ANKS1B: variants seen among roughly 807,000 people sequenced by gnomAD.
The protein encoded by ANKS1B is ankyrin repeat and sterile alpha motif domain-containing protein 1B.
In ANKS1B, 36 loss-of-function variants were observed where a neutral mutation model predicts 148.3. That is an observed-to-expected ratio of 0.24 (90% CI 0.19 to 0.32). The LOEUF is 0.32. Ranked by LOEUF, ANKS1B falls within the 10% of genes least tolerant of loss-of-function variation. ANKS1B has a pLI of 1.00. For synonymous variants in ANKS1B, 542 were observed against 560.8 expected (o/e 0.97, Z 0.47); for missense variants, 1,157 against 1,542.6 (o/e 0.75, Z 4.19).
intron 16 of ANKS1B, among the ~76,000 whole-genome samples, chr12:99,066,566 G>A (rs2044405136): frequency 6.6e-6 from 1 of 152,120 alleles, no homozygotes; most frequent in African/African-American, 2.4e-5. Context: ...AGGGAAATGG[G>A]GAGTCAGGGT....
At chr12:99,598,434 T>C (rs2097774820) in intron 9 of ANKS1B, among the ~76,000 whole-genome samples, 1 of 152,110 alleles carries the variant, frequency 6.6e-6, no homozygotes, top group Admixed American at 6.6e-5. Context: ...AACTACAAGA[T>C]AGATACCGTT....
At chr12:99,205,067 A>C (rs572295507) in intron 14 of ANKS1B, among the ~76,000 whole-genome samples, 54 of 152,110 alleles carry the variant, frequency 3.6e-4, no homozygotes, top group African/African-American at 1.3e-3. Context: ...GGCCCCCCCC[A>C]AAAAGAAAAA....
chr12:99,859,442 G>A (rs1178324921), intron 1 of ANKS1B, among the ~76,000 whole-genome samples: 1 of 152,166 alleles, frequency 6.6e-6, no homozygotes, highest in Non-Finnish European at 1.5e-5. Flanking sequence ...GGTACTGTTA[G>A]CTTTGCTAGG....
intron 1 of ANKS1B, among the ~76,000 whole-genome samples, chr12:99,861,863 TC>T (rs551913662): frequency 6.6e-6 from 1 of 152,202 alleles, no homozygotes; most frequent in South Asian, 2.1e-4. Context: ...AAGTGAATGT[TC>T]TTTTCAAAAT....
At chr12:99,515,742 T>G (rs1353579503) in intron 9 of ANKS1B, among the ~76,000 whole-genome samples, 1 of 152,098 alleles carries the variant, frequency 6.6e-6, no homozygotes. Context: ...TTTAGTTTTT[T>G]GAGGAACCTC....
At position 99,113,183 on chromosome 12, in the gene ANKS1B, T is replaced by C. The variant is rs115763566; in HGVS notation, c.2527-28160A>G. 1.8e-3 allele frequency among the ~76,000 whole-genome samples: 278 copies of C among 152,322 alleles called. 1 individual carries two copies. The highest frequency in any genetic ancestry group is 6.1e-3 in the African/African-American group (253 of 41,570). On this transcript the variant is annotated intron_variant, in intron 15 of 26. Coordinates refer to ENST00000683438, the MANE Select transcript of ANKS1B (RefSeq NM_001352186.2). ...TACTAATTCTGCATCTTCGTTTTTTTTCTTGGGCATAAAATCAGCATTTCC... is the reference window on the plus strand; with the variant it reads ...TACTAATTCTGCATCTTCGTTTTTTCTCTTGGGCATAAAATCAGCATTTCC...
At chr12:99,725,250 T>C (rs2058501650) in intron 8 of ANKS1B, among the ~76,000 whole-genome samples, 1 of 152,162 alleles carries the variant, frequency 6.6e-6, no homozygotes, top group African/African-American at 2.4e-5. Context: ...GTGTGCTGTA[T>C]TTAGGAGACC....
chr12:99,669,773 T>C (rs961784333), intron 8 of ANKS1B, among the ~76,000 whole-genome samples: 2 of 152,206 alleles, frequency 1.3e-5, no homozygotes, highest in African/African-American at 4.8e-5. Flanking sequence ...CCCTCTTTTC[T>C]GTTCCTCTGC....
At chr12:99,956,549 A>T (rs895641857) in intron 1 of ANKS1B, among the ~76,000 whole-genome samples, 1 of 152,210 alleles carries the variant, frequency 6.6e-6, no homozygotes, top group Non-Finnish European at 1.5e-5. Context: ...CCATGCTGAA[A>T]AATCTTTGCT....
chr12:99,760,842 C>T (rs1317630833), intron 8 of ANKS1B, among the ~76,000 whole-genome samples: 1 of 150,876 alleles, frequency 6.6e-6, no homozygotes, highest in Non-Finnish European at 1.5e-5. Context: ...TAAGCACAAT[C>T]AGAAATGGCA....
At chr12:99,165,019 A>G (rs186167114) in intron 14 of ANKS1B, among the ~76,000 whole-genome samples, 1 of 152,110 alleles carries the variant, frequency 6.6e-6, no homozygotes, top group Admixed American at 6.5e-5. Flanking sequence ...TATTCAGAAA[A>G]TATTTTAAAC....
At position 99,078,153 on chromosome 12, in the gene ANKS1B, A is replaced by G. The variant is rs148414488; in HGVS notation, c.2625+6772T>C. ...TGCCCACACCATTTTGAGGGGGCCA[A>G]CTGTTGCTTTGATCTATTTTCTTCG... On this transcript the variant is annotated intron_variant, in intron 16 of 26. Transcript: ENST00000683438. Among the ~76,000 whole-genome samples the G allele has an allele frequency of 4.3e-3, 654 of 152,266 alleles. 3 individuals carry two copies. Among genetic ancestry groups the G allele is most frequent in the Non-Finnish European group, 4.5e-3 (308 of 68,014 alleles).
At chr12:99,731,327 C>T (rs2059126613) in intron 8 of ANKS1B, among the ~76,000 whole-genome samples, 1 of 151,916 alleles carries the variant, frequency 6.6e-6, no homozygotes, top group African/African-American at 2.4e-5. Flanking sequence ...CCACGTTGGC[C>T]AGGCTTGTCT....
At chr12:99,105,768 C>CAAAAAAAAAAA (rs11349848) in intron 15 of ANKS1B, among the ~76,000 whole-genome samples, 1 of 82,930 alleles carries the variant, frequency 1.2e-5, no homozygotes, top group Non-Finnish European at 2.4e-5. Context: ...GACTCTGTCT[C>CAAAAAAAAAAA]AAAAAAAAAA....
intron 12 of ANKS1B, among the ~76,000 whole-genome samples, chr12:99,331,009 A>C (rs1186549460): frequency 1.3e-5 from 2 of 151,988 alleles, no homozygotes; most frequent in Non-Finnish European, 2.9e-5. Context: ...GGTTATTTAA[A>C]CAATGCATTG....
At chr12:99,534,496 G>A (rs1271619870) in intron 9 of ANKS1B, among the ~76,000 whole-genome samples, 1 of 152,104 alleles carries the variant, frequency 6.6e-6, no homozygotes, top group Non-Finnish European at 1.5e-5. Context: ...ACCAACACCT[G>A]AACCCAGGAC....
intron 8 of ANKS1B, among the ~76,000 whole-genome samples, chr12:99,740,864 G>A (rs1370609726): frequency 2.0e-5 from 3 of 152,034 alleles, no homozygotes; most frequent in African/African-American, 4.8e-5. Context: ...AGTGCACTCC[G>A]GCCCAGATAC....
chr12:98,828,508 C>A (rs1168365107), intron 19 of ANKS1B, among the ~76,000 whole-genome samples: 1 of 152,194 alleles, frequency 6.6e-6, no homozygotes, highest in African/African-American at 2.4e-5. Flanking sequence ...GGGTGAAATG[C>A]GGAGCTACCC....
rs59115173 is a variant in ANKS1B at position 99,494,732 on chromosome 12, CAAAAAAAAAA to C, written c.1438+9734_1438+9743del. ...TAGGTGACAGAGGGACACTCTGTCT[CAAAAAAAAAA>C]AAAAAAAAAAAAAGGACAATTAAAA... On this transcript the variant is annotated intron_variant, in intron 10 of 26. Coordinates refer to ENST00000683438, the MANE Select transcript of ANKS1B (RefSeq NM_001352186.2). 5.0e-4 allele frequency among the ~76,000 whole-genome samples: 28 copies of C among 55,986 alleles called. No individual in the cohort carries two copies. The Admixed American group carries it at 5.3e-3, about 11-fold the overall frequency. The allele number at this position is 55,986 out of a possible 152,430, so 36.7% of individuals were successfully genotyped here.
Sources: gnomAD v4.1 joint callset for allele counts (sites outside exome capture counted in the v4.1 genomes callset) on GRCh38, gnomAD v4.1.1 for gene constraint, MANE v1.5 for transcripts, NCBI Gene and HGNC (gene_info 2026-07-23, HGNC 2026-07-21) for gene names.